The following MEP1A variants were observed in gnomAD, a reference collection of about 807,000 sequenced individuals.
MEP1A encodes meprin A subunit alpha.
A neutral mutation model predicts 84.5 loss-of-function variants in MEP1A; 68 were observed. The ratio of observed to expected loss-of-function variants is 0.80; its 90% CI spans 0.66 to 0.98. The LOEUF (loss-of-function observed/expected upper bound fraction) is 0.98. Ranked by LOEUF, MEP1A falls within the 50% of genes least tolerant of loss-of-function variation. The probability of loss-of-function intolerance (pLI) is 0.00; values close to 1 mark genes in which losing one functional copy is unlikely to be tolerated. For synonymous variants in MEP1A, 337 were observed against 336.8 expected (o/e 1.00, Z -0.01); for missense variants, 887 against 919.9 (o/e 0.96, Z 0.46).
downstream of MEP1A, among the ~76,000 whole-genome samples, chr6:46,840,446 G>A (rs146408238): frequency 6.6e-6 from 1 of 152,132 alleles, no homozygotes; most frequent in South Asian, 2.1e-4. Flanking sequence ...GAATGTGCCA[G>A]AATCTAGTAG....
At chr6:46,797,917 TC>T (rs1394324384) in intron 3 of MEP1A, among the ~76,000 whole-genome samples, 7,854 of 46,228 alleles carry the variant, frequency 0.17, 361 homozygotes, top group Non-Finnish European at 0.19. Context: ...CTTCCTTCCT[TC>T]CTTCCTTCCT....
At chr6:46,812,837 T>C (rs1767537215) in intron 6 of MEP1A, among the ~76,000 whole-genome samples, 1 of 152,122 alleles carries the variant, frequency 6.6e-6, no homozygotes, top group Admixed American at 6.6e-5. Flanking sequence ...GTGTACTTGA[T>C]ATAATTTTGA....
chr6:46,808,048 A>T (rs1403347488), intron 5 of MEP1A, among the ~76,000 whole-genome samples: 1 of 152,054 alleles, frequency 6.6e-6, no homozygotes, highest in Non-Finnish European at 1.5e-5. Flanking sequence ...AAAAGGTATA[A>T]TTTTAAAATT....
rs548374117 is a variant in MEP1A at position 46,837,715 on chromosome 6, G to T, written c.2085-1265G>T. Among the ~76,000 whole-genome samples, 215 of 152,276 alleles carry T rather than the reference G, an allele frequency of 1.4e-3. 1 individual carries two copies. The highest frequency in any genetic ancestry group is 5.1e-3 in the African/African-American group (211 of 41,560). On this transcript the variant is annotated intron_variant, in intron 13 of 13. Transcript: ENST00000230588. ...CTGCAGCTGAGAGTTGGCAGAATAA[G>T]TTTTTCTAAGGTAACACTAGGGGAT... is the stretch of plus-strand genomic sequence containing the variant.
chr6:46,793,783 C>A, intron 3 of MEP1A, 67 bp downstream of exon 3: 2 of 1,152,462 alleles, frequency 1.7e-6, no homozygotes, highest in Non-Finnish European at 1.3e-6. Context: ...GATTACTGAA[C>A]ACTTTCCTTC....
chr6:46,800,413 T>C lies in MEP1A; in HGVS notation c.262+1232T>C, dbSNP rs549182978. On this transcript the variant is annotated intron_variant, in intron 5 of 13. Transcript: ENST00000230588. Reference sequence around the variant, plus strand: ...GTGTGAGATGTTGCATGTCCAACGGTCCTCTAGTGATGCTGATGCTATTGG... The same window carrying C: ...GTGTGAGATGTTGCATGTCCAACGGCCCTCTAGTGATGCTGATGCTATTGG... Among the ~76,000 whole-genome samples the C allele has an allele frequency of 2.0e-5, 3 of 152,246 alleles. No individual in the cohort carries two copies. In the East Asian group the frequency reaches 5.8e-4, roughly 29 times the overall value.
rs757969989 is a variant in MEP1A at position 46,825,284 on chromosome 6, A to G, written c.569A>G (p.Asn190Ser). 25 of 1,611,622 alleles carry G rather than the reference A, an allele frequency of 1.6e-5. No homozygotes were observed. The Admixed American group carries it at 4.2e-4, about 27-fold the overall frequency. Reference sequence around the variant, plus strand: ...CTCTCCCTAACAGGTTACCAGCACAACTTTGACACCTATGATGATAGCTTA... The same window carrying G: ...CTCTCCCTAACAGGTTACCAGCACAGCTTTGACACCTATGATGATAGCTTA... ...WDQILSGYQH[N>S]FDTYDDSLIT... is the part of the protein sequence containing the mutation. The change falls in exon 8 of 14, where the codon AAC (asparagine) becomes AGC (serine). Residue 190 changes from asparagine (N) to serine (S), a missense_variant. Physicochemically the swap from Asn to Ser is conservative, Grantham distance 46. Coordinates refer to ENST00000230588, the MANE Select transcript of MEP1A (RefSeq NM_005588.3).
intron 5 of MEP1A, among the ~76,000 whole-genome samples, chr6:46,807,878 T>G (rs1767402874): frequency 6.6e-6 from 1 of 151,796 alleles, no homozygotes; most frequent in Non-Finnish European, 1.5e-5. Context: ...GGCTCCTGCA[T>G]TCAGAGGAGG....
downstream of MEP1A, among the ~76,000 whole-genome samples, chr6:46,844,707 C>A (rs548821172): frequency 1.3e-5 from 2 of 152,326 alleles, no homozygotes; most frequent in Admixed American, 1.3e-4. Context: ...ATCCATTCTT[C>A]TTTTCTCAGT....
downstream of MEP1A, among the ~76,000 whole-genome samples, chr6:46,844,184 C>A (rs1162526372): frequency 6.6e-6 from 1 of 152,072 alleles, no homozygotes; most frequent in Non-Finnish European, 1.5e-5. Flanking sequence ...TATAGTTATC[C>A]TGTAGCTGTG....
intron 6 of MEP1A, among the ~76,000 whole-genome samples, chr6:46,810,856 T>C (rs1210777582): frequency 6.6e-6 from 1 of 152,170 alleles, no homozygotes; most frequent in Non-Finnish European, 1.5e-5. Context: ...ACTTTCCTGT[T>C]TTTGGTGACT....
In MEP1A at chr6:46,839,575, A is replaced by G. The variant is rs1323365805; in HGVS notation, c.*439A>G. 6.6e-6 allele frequency: 1 copy of G among 152,492 alleles called. No homozygotes were observed. The highest frequency in any genetic ancestry group is 6.5e-5 in the Admixed American group (1 of 15,302). 9.4% of individuals were successfully genotyped at this position (152,492 alleles called of 1,614,324 possible). ...AACTCTCATTTATATTGCAGATTGA[A>G]TATATATGATGAAATTCTTATGTTG... On this transcript the variant is annotated 3_prime_UTR_variant, in exon 14 of 14. Transcript: ENST00000230588.
intron 3 of MEP1A, among the ~76,000 whole-genome samples, chr6:46,794,507 G>A (rs1291241565): frequency 6.6e-6 from 1 of 152,148 alleles, no homozygotes; most frequent in East Asian, 1.9e-4. Context: ...GCAGTGATGG[G>A]GCTTACTTCC....
At position 46,793,394 on chromosome 6, in the gene MEP1A, C is replaced by T; in HGVS notation, c.-5C>T. ...GTGTGTGCTAAAATCAGCTCACTTGCAGCAATGGCTTGGATTAGATCCACT... is the reference window on the plus strand; with the variant it reads ...GTGTGTGCTAAAATCAGCTCACTTGTAGCAATGGCTTGGATTAGATCCACT... On this transcript the variant is annotated 5_prime_UTR_variant, in exon 1 of 14. Coordinates refer to ENST00000230588, the MANE Select transcript of MEP1A (RefSeq NM_005588.3). 1 of 1,577,240 alleles carries T rather than the reference C, an allele frequency of 6.3e-7. No individual in the cohort carries two copies. Among genetic ancestry groups the T allele is most frequent in the Non-Finnish European group, 8.6e-7 (1 of 1,168,542 alleles).
intron 5 of MEP1A, among the ~76,000 whole-genome samples, chr6:46,808,323 C>T (rs1400897680): frequency 6.6e-6 from 1 of 152,006 alleles, no homozygotes; most frequent in African/African-American, 2.4e-5. Flanking sequence ...ATTCCCATGA[C>T]TATTTCTTTA....
In MEP1A at chr6:46,839,029, G is replaced by T; in HGVS notation, c.2134G>T (p.Val712Leu). Residue 712 changes from valine to leucine, a missense_variant, in exon 14 of 14, where the codon GTG becomes TTG. Coordinates refer to ENST00000230588, the MANE Select transcript of MEP1A (RefSeq NM_005588.3). ...CTACACGGGGGAGCGCTGTCAGGCCGTGCAGGTGCACGGCAGTGTCCTGGG... is the reference window on the plus strand; with the variant it reads ...CTACACGGGGGAGCGCTGTCAGGCCTTGCAGGTGCACGGCAGTGTCCTGGG... ...FFYTGERCQA[V>L]QVHGSVLGMV... 6.2e-7 allele frequency: 1 copy of T among 1,613,654 alleles called. No homozygotes were observed. The highest frequency in any genetic ancestry group is 8.5e-7 in the Non-Finnish European group (1 of 1,179,724).
chr6:46,799,258 T>C (rs557901414), intron 5 of MEP1A, 77 bp downstream of exon 5: 22 of 963,194 alleles, frequency 2.3e-5, no homozygotes, highest in East Asian at 1.2e-4. Context: ...GGGCTTCACA[T>C]TGGGAGTAAC....
chr6:46,838,742 T>A (rs1768272534), intron 13 of MEP1A, among the ~76,000 whole-genome samples: 1 of 152,232 alleles, frequency 6.6e-6, no homozygotes, highest in South Asian at 2.1e-4. Context: ...TTGAGCAAAT[T>A]ATTTAACCTT....
chr6:46,798,062 G>A (rs1350126384), intron 3 of MEP1A, among the ~76,000 whole-genome samples: 1 of 151,712 alleles, frequency 6.6e-6, no homozygotes, highest in Non-Finnish European at 1.5e-5. Flanking sequence ...CTGCGTCCTG[G>A]GTTCAAGCAA....
Sources: allele counts gnomAD v4.1 joint callset (sites outside exome capture counted in the v4.1 genomes callset), GRCh38; gene constraint gnomAD v4.1.1; transcripts MANE v1.5; gene names NCBI Gene and HGNC (gene_info 2026-07-23, HGNC 2026-07-21).